Variants in GP9 observed in about 807,000 individuals in gnomAD.
The protein encoded by GP9 is glycoprotein IX platelet, also known as platelet glycoprotein IX.
For synonymous variants in GP9, 116 were observed against 116.7 expected (o/e 0.99, Z 0.04); for missense variants, 228 against 241.8 (o/e 0.94, Z 0.38).
At chr3:129,059,639 G>A (rs1946554152), upstream of GP9, among the ~76,000 whole-genome samples, 1 of 152,154 alleles carries the variant, frequency 6.6e-6, no homozygotes, top group Non-Finnish European at 1.5e-5. Flanking sequence ...AAGCAGAGCT[G>A]GGGCCTGGCA....
chr3:129,056,307 G>A (rs975643737), upstream of GP9, among the ~76,000 whole-genome samples: 2 of 152,214 alleles, frequency 1.3e-5, no homozygotes, highest in African/African-American at 4.8e-5. Context: ...GTGGCAGACA[G>A]GGTTACCCAT....
Position 129,062,145 on chromosome 3 carries a change from G to A in GP9, c.406G>A (p.Gly136Ser), listed in dbSNP as rs1397052537. The A allele has an allele frequency of 1.3e-6, 2 of 1,588,128 alleles. No homozygotes were observed. Among genetic ancestry groups the A allele is most frequent in the Non-Finnish European group, 1.7e-6 (2 of 1,170,282 alleles). The change falls in exon 3 of 3, where the codon GGC becomes AGC. Residue 136 changes from glycine (G) to serine (S), a missense_variant. Physicochemically the swap from Gly to Ser is moderately conservative, Grantham distance 56. Coordinates refer to ENST00000307395, the MANE Select transcript of GP9 (RefSeq NM_000174.5). The stretch of plus-strand genomic sequence containing the variant: ...GACAGGCTACCAGCTGGGCAGCTGT[G>A]GCTGGCAGCTGCAGGCGTCCTGGGT... ...RLTGYQLGSC[G>S]WQLQASWVRP...
the GP9 span, among the ~76,000 whole-genome samples, chr3:129,055,463 A>G: frequency 2.0e-5 from 3 of 152,226 alleles, no homozygotes; most frequent in Non-Finnish European, 4.4e-5. Flanking sequence ...ACTGAGCTGA[A>G]GGGCCAGACA....
At chr3:129,061,096 G>A (rs1181742468) in intron 1 of GP9, among the ~76,000 whole-genome samples, 1 of 152,212 alleles carries the variant, frequency 6.6e-6, no homozygotes, top group African/African-American at 2.4e-5. Flanking sequence ...CGGTTGCCGA[G>A]ACCCGAGTGT....
chr3:129,058,803 C>T (rs1393655166), upstream of GP9, among the ~76,000 whole-genome samples: 2 of 152,270 alleles, frequency 1.3e-5, no homozygotes, highest in African/African-American at 2.4e-5. Flanking sequence ...CTCTGCTATG[C>T]ACTGCTGCTT....
At chr3:129,061,700 C>T (rs1336037699) in intron 2 of GP9, 28 bp from the exon 3 acceptor site, 1 of 1,565,210 alleles carries the variant, frequency 6.4e-7, no homozygotes, top group East Asian at 2.3e-5. Flanking sequence ...GGCTGCCAGG[C>T]CCTCCCTCAC....
At chr3:129,059,017 C>T (rs1946547580), upstream of GP9, among the ~76,000 whole-genome samples, 2 of 152,204 alleles carry the variant, frequency 1.3e-5, no homozygotes, top group South Asian at 4.1e-4. Context: ...TTTACAGATC[C>T]ACTTCCTGCA....
In GP9 at chr3:129,061,504, C is replaced by T. The variant is rs554290942; in HGVS notation, c.-128C>T. 58 of 599,918 alleles carry T rather than the reference C, an allele frequency of 9.7e-5. No individual in the cohort carries two copies. In the East Asian group the frequency reaches 1.6e-3, roughly 16 times the overall value. 37.2% of individuals were successfully genotyped at this position (599,918 alleles called of 1,614,324 possible). ...TTACCCAATCCACAGCCGCCCTCAC[C>T]GCCCGGCCTTCTACGGTGTCCAGAG... On this transcript the variant is annotated 5_prime_UTR_variant, in exon 2 of 3. Transcript: ENST00000307395.
rs142692011 is a variant in GP9 at position 129,061,988 on chromosome 3, G to A, written c.249G>A (p.Thr83=). The change falls in exon 3 of 3, where the codon ACG becomes ACA. Residue 83 remains threonine, a synonymous_variant. Transcript: ENST00000307395. ...CCCAGCTGCAGACCCTCGATGTGAC[G>A]CAGAACCCCTGGCACTGTGACTGCA... is the stretch of plus-strand genomic sequence containing the variant. ...HLPQLQTLDV[T]QNPWHCDCSL... 2.2e-4 allele frequency: 349 copies of A among 1,613,770 alleles called. 1 individual carries two copies. Among genetic ancestry groups the A allele is most frequent in the Non-Finnish European group, 2.8e-4 (331 of 1,179,862 alleles).
chr3:129,058,121 C>T (rs966722691), upstream of GP9, among the ~76,000 whole-genome samples: 1 of 152,076 alleles, frequency 6.6e-6, no homozygotes, highest in South Asian at 2.1e-4. Flanking sequence ...GGATTGCAGG[C>T]GTGAGCCACC....
the GP9 span, among the ~76,000 whole-genome samples, chr3:129,055,297 C>T: frequency 1.3e-5 from 2 of 152,312 alleles, no homozygotes; most frequent in Admixed American, 1.3e-4. Flanking sequence ...AGAATCAGTT[C>T]TCTTTTTAAA....
At chr3:129,060,925 G>C (rs1946567938) in intron 1 of GP9, 75 bp downstream of exon 1, 2 of 152,694 alleles carry the variant, frequency 1.3e-5, no homozygotes, top group Non-Finnish European at 2.9e-5. Context: ...CCTTTAACAA[G>C]ACAGGGTTGG....
At chr3:129,055,936 C>G (rs184220236), upstream of GP9, among the ~76,000 whole-genome samples, 176 of 152,228 alleles carry the variant, frequency 1.2e-3, 1 homozygote, top group East Asian at 2.3e-3. Flanking sequence ...TGAGCCATCA[C>G]GCCTGGCTGT....
Position 129,062,244 on chromosome 3 carries a change from C to G in GP9, c.505C>G (p.Leu169Val), listed in dbSNP as rs1412092084. ...ALGLALLAGL[L>V]CATTEALD ...GGGCCTGGCTCTTCTGGCTGGCCTGCTGTGTGCCACCACAGAGGCCCTGGA... is the reference window on the plus strand; with the variant it reads ...GGGCCTGGCTCTTCTGGCTGGCCTGGTGTGTGCCACCACAGAGGCCCTGGA... Residue 169 changes from leucine (L) to valine (V), a missense_variant, in exon 3 of 3, where the codon CTG (leucine) becomes GTG (valine). Transcript: ENST00000307395. 6.4e-7 allele frequency: 1 copy of G among 1,556,744 alleles called. No homozygotes were observed. Among genetic ancestry groups the G allele is most frequent in the Non-Finnish European group, 8.7e-7 (1 of 1,152,466 alleles).
chr3:129,058,385 G>A (rs953065813), upstream of GP9, among the ~76,000 whole-genome samples: 2 of 152,224 alleles, frequency 1.3e-5, no homozygotes, highest in African/African-American at 4.8e-5. Context: ...GCCCTCCTGA[G>A]GTAGATCAGC....
upstream of GP9, among the ~76,000 whole-genome samples, chr3:129,059,301 G>A (rs1946550099): frequency 6.6e-6 from 1 of 152,204 alleles, no homozygotes; most frequent in Non-Finnish European, 1.5e-5. Flanking sequence ...AGGAAGGAGG[G>A]CACAGGCCCC....
chr3:129,060,100 A>G (rs1300488632), upstream of GP9, among the ~76,000 whole-genome samples: 1 of 152,238 alleles, frequency 6.6e-6, no homozygotes, highest in African/African-American at 2.4e-5. Flanking sequence ...AGGAAGCTTT[A>G]TGTCACTAAC....
At chr3:129,060,433 C>T (rs1003685258), upstream of GP9, among the ~76,000 whole-genome samples, 2 of 152,276 alleles carry the variant, frequency 1.3e-5, no homozygotes, top group Non-Finnish European at 2.9e-5. Flanking sequence ...GCAGGCAGGA[C>T]CGGTCACTGC....
chr3:129,055,964 C>T (rs1056693457), upstream of GP9, among the ~76,000 whole-genome samples: 2 of 152,102 alleles, frequency 1.3e-5, no homozygotes, highest in Admixed American at 6.5e-5. Flanking sequence ...CCCTTTCTTC[C>T]CTGACAGTGT....
Sources: gnomAD v4.1 joint callset for allele counts (sites outside exome capture counted in the v4.1 genomes callset) on GRCh38, gnomAD v4.1.1 for gene constraint, MANE v1.5 for transcripts, NCBI Gene and HGNC (gene_info 2026-07-23, HGNC 2026-07-21) for gene names.